The following KLF8 variants were observed in gnomAD, a reference collection of about 807,000 sequenced individuals.
KLF8 encodes KLF transcription factor 8.
A neutral mutation model predicts 18.2 loss-of-function variants in KLF8; 10 were observed. The ratio of observed to expected loss-of-function variants is 0.55; its 90% CI spans 0.34 to 0.93. The LOEUF (loss-of-function observed/expected upper bound fraction) is 0.93, where lower values mean the gene tolerates loss of function less well. Among genes scored for constraint, KLF8 ranks in the 40% least tolerant of loss-of-function variants. The pLI is 0.02. For missense variants in KLF8, 264 were observed against 277.9 expected, an observed-to-expected ratio of 0.95 and a Z score of 0.36; for synonymous variants, 109 against 97.3, an observed-to-expected ratio of 1.12 and a Z score of -0.71.
the KLF8 span, among the ~76,000 whole-genome samples, chrX:56,057,482 G>A: frequency 9.0e-6 from 1 of 111,665 alleles, no homozygotes; most frequent in Non-Finnish European, 1.9e-5. Flanking sequence ...GTTGGCCCAC[G>A]GGAAGCTGCA....
At chrX:56,056,940 A>C in the KLF8 span, among the ~76,000 whole-genome samples, 4 of 110,594 alleles carry the variant, frequency 3.6e-5, no homozygotes, top group Non-Finnish European at 7.6e-5. Flanking sequence ...ATGTTTTGTA[A>C]TGCGGTTACT....
At chrX:56,151,485 T>A in the KLF8 span, among the ~76,000 whole-genome samples, 2 of 110,684 alleles carry the variant, frequency 1.8e-5, no homozygotes, top group Non-Finnish European at 1.9e-5. Flanking sequence ...CAGCACTTGG[T>A]GATAGATTGG....
chrX:56,269,562 T>C, intron 4 of KLF8, 73 bp downstream of exon 4: 1 of 1,074,325 alleles, frequency 9.3e-7, no homozygotes, highest in Non-Finnish European at 1.2e-6. Context: ...TTTGCACATA[T>C]GTATAGGTGG....
the KLF8 span, among the ~76,000 whole-genome samples, chrX:56,018,000 T>A: frequency 8.9e-6 from 1 of 112,138 alleles, no homozygotes; most frequent in Non-Finnish European, 1.9e-5. Flanking sequence ...AATTGGGATA[T>A]CCATCATCTC....
At chrX:56,145,038 C>A in the KLF8 span, among the ~76,000 whole-genome samples, 1 of 110,325 alleles carries the variant, frequency 9.1e-6, no homozygotes, top group African/African-American at 3.3e-5. Context: ...AGTGATCCAC[C>A]CACCTTGACA....
the KLF8 span, among the ~76,000 whole-genome samples, chrX:56,220,024 G>T: frequency 8.9e-6 from 1 of 111,988 alleles, no homozygotes; most frequent in Non-Finnish European, 1.9e-5. Context: ...AGTAATGCAT[G>T]TATAGTGCTA....
At chrX:56,003,120 G>C in the KLF8 span, among the ~76,000 whole-genome samples, 1 of 111,875 alleles carries the variant, frequency 8.9e-6, no homozygotes, top group Non-Finnish European at 1.9e-5. Context: ...GCCGGGCACA[G>C]TGGCTCAGGC....
rs747051555 is a variant in KLF8, at chrX:56,290,447, A to G, written c.*5953A>G. 8.9e-6 allele frequency among the ~76,000 whole-genome samples: 1 copy of G among 111,841 alleles called. No individual in the cohort carries two copies. The highest frequency in any genetic ancestry group is 1.9e-5 in the Non-Finnish European group (1 of 53,078). The stretch of plus-strand genomic sequence containing the variant: ...GGATAATTAAAGAGTGGCCACTGGA[A>G]GCAATATTATTTATTCTCTTACTTT... On this transcript the variant is annotated 3_prime_UTR_variant, in exon 6 of 6. Coordinates refer to ENST00000468660, the MANE Select transcript of KLF8 (RefSeq NM_007250.5).
At chrX:56,058,720 A>G in the KLF8 span, among the ~76,000 whole-genome samples, 1 of 110,915 alleles carries the variant, frequency 9.0e-6, no homozygotes, top group African/African-American at 3.3e-5. Context: ...TATGGTGTAT[A>G]TGTGCCACAT....
the KLF8 span, among the ~76,000 whole-genome samples, chrX:56,215,027 C>T: frequency 8.9e-5 from 10 of 112,180 alleles, 1 homozygote; most frequent in Admixed American, 4.7e-4. Context: ...CAGAGGTAAG[C>T]GGCCAAGTTG....
the KLF8 span, among the ~76,000 whole-genome samples, chrX:56,207,374 A>G: frequency 2.7e-5 from 3 of 112,355 alleles, no homozygotes; most frequent in African/African-American, 9.7e-5. Context: ...CCTTTTAAAC[A>G]TAAGTTCCAA....
the KLF8 span, among the ~76,000 whole-genome samples, chrX:56,079,868 G>T: frequency 9.0e-6 from 1 of 111,272 alleles, no homozygotes; most frequent in Admixed American, 9.5e-5. Flanking sequence ...ATAGTTAGCT[G>T]TTCTTGTTGA....
chrX:55,910,768 G>A, the KLF8 span, among the ~76,000 whole-genome samples: 1 of 112,553 alleles, frequency 8.9e-6, no homozygotes, highest in Middle Eastern at 4.2e-3. Context: ...AAGATGGATT[G>A]TATTTTTATG....
the KLF8 span, among the ~76,000 whole-genome samples, chrX:55,983,942 C>T: frequency 0.085 from 9,300 of 109,070 alleles, 989 homozygotes; most frequent in African/African-American, 0.3. Context: ...CAAGTTACTA[C>T]CAAATTCATT....
At chrX:55,938,444 G>A in the KLF8 span, among the ~76,000 whole-genome samples, 18 of 111,517 alleles carry the variant, frequency 1.6e-4, no homozygotes, top group South Asian at 3.8e-4. Flanking sequence ...AGACCATCAA[G>A]GCTAGGAAGA....
At chrX:56,096,123 A>G in the KLF8 span, among the ~76,000 whole-genome samples, 2 of 110,265 alleles carry the variant, frequency 1.8e-5, no homozygotes. Flanking sequence ...ATAAAACAGA[A>G]TGAAATCATG....
chrX:56,101,897 G>C, the KLF8 span, among the ~76,000 whole-genome samples: 1 of 111,468 alleles, frequency 9.0e-6, no homozygotes, highest in African/African-American at 3.3e-5. Context: ...CATTCTGTAG[G>C]TTGTCTGCTT....
chrX:56,071,679 A>G, the KLF8 span, among the ~76,000 whole-genome samples: 1 of 111,910 alleles, frequency 8.9e-6, no homozygotes, highest in Non-Finnish European at 1.9e-5. Context: ...CTAGAGTTTT[A>G]CTGATATGTA....
At chrX:56,061,377 T>C in the KLF8 span, among the ~76,000 whole-genome samples, 4 of 112,001 alleles carry the variant, frequency 3.6e-5, no homozygotes, top group East Asian at 2.8e-4. Context: ...CTTGTTCTCA[T>C]TGGTTTCGAA....
Sources: allele counts gnomAD v4.1 joint callset (sites outside exome capture counted in the v4.1 genomes callset), GRCh38; gene constraint gnomAD v4.1.1; transcripts MANE v1.5; gene names NCBI Gene and HGNC (gene_info 2026-07-23, HGNC 2026-07-21).